RPTOR: variants seen among roughly 807,000 people sequenced by gnomAD.
RPTOR encodes regulatory associated protein of MTOR complex 1.
In RPTOR, 21 loss-of-function variants were observed where a neutral mutation model predicts 169.9. The observed-to-expected ratio is 0.12, with a 90% CI of 0.09 to 0.18. RPTOR has a LOEUF of 0.18. Among genes scored for constraint, RPTOR ranks in the 10% least tolerant of loss-of-function variants. The pLI is 1.00. For synonymous variants in RPTOR, 732 were observed against 753.2 expected, an observed-to-expected ratio of 0.97 and a Z score of 0.46; for missense variants, 1,133 against 1,855.9, an observed-to-expected ratio of 0.61 and a Z score of 7.16.
chr17:80,767,978 C>G (rs1303902807), intron 6 of RPTOR, among the ~76,000 whole-genome samples: 1 of 152,170 alleles, frequency 6.6e-6, no homozygotes, highest in Non-Finnish European at 1.5e-5. Context: ...ATTCTCCTGC[C>G]TCAGCCTTCT....
At position 80,823,470 on chromosome 17, in the gene RPTOR, C is replaced by T. The variant is rs943581416; in HGVS notation, c.1136+247C>T. 15 of 418,678 alleles carry T rather than the reference C, an allele frequency of 3.6e-5. No individual in the cohort carries two copies. Among genetic ancestry groups the T allele is most frequent in the South Asian group, 1.9e-4 (4 of 21,552 alleles). The allele number at this position is 418,678 out of a possible 1,614,324, so 25.9% of individuals were successfully genotyped here. A position where few individuals can be genotyped will look rare whatever the true frequency, so the allele number is the denominator to read the frequency against. ...GCACGGGAGCAGCGGCCGGCTGAAGCCTCACAGCTCTGCAACTCGGGAGGG... is the reference window on the plus strand; with the variant it reads ...GCACGGGAGCAGCGGCCGGCTGAAGTCTCACAGCTCTGCAACTCGGGAGGG... On this transcript the variant is annotated intron_variant, in intron 9 of 33. Coordinates refer to ENST00000306801, the MANE Select transcript of RPTOR (RefSeq NM_020761.3). The surrounding 1 kb of genome is among the most constrained non-coding windows in gnomAD (Gnocchi z 4.5).
rs2068141989 is a variant in RPTOR at position 80,878,025 on chromosome 17, A to G, written c.1510-2390A>G. 2.6e-5 allele frequency among the ~76,000 whole-genome samples: 4 copies of G among 152,176 alleles called. No individual in the cohort carries two copies. The South Asian group carries it at 8.3e-4, about 32-fold the overall frequency. ...CCCTCTGCAAAACTGCTCCTGCCTC[A>G]GTGGGAAAGGGCCAGCTGTGCAGGG... On this transcript the variant is annotated intron_variant, in intron 13 of 33. Coordinates refer to ENST00000306801, the MANE Select transcript of RPTOR (RefSeq NM_020761.3). The surrounding 1 kb of genome is among the most constrained non-coding windows in gnomAD (Gnocchi z 4.1).
intron 1 of RPTOR, among the ~76,000 whole-genome samples, chr17:80,572,323 G>A (rs1355818155): frequency 2.6e-5 from 4 of 151,894 alleles, no homozygotes; most frequent in Non-Finnish European, 4.4e-5. Context: ...GGCTGGTCTC[G>A]AACTCCTGGG....
At chr17:80,800,609 C>A (rs1439909487) in intron 7 of RPTOR, among the ~76,000 whole-genome samples, 1 of 152,204 alleles carries the variant, frequency 6.6e-6, no homozygotes, top group Non-Finnish European at 1.5e-5. Context: ...GCTAACCTAG[C>A]AGCCTGATGA....
intron 5 of RPTOR, among the ~76,000 whole-genome samples, chr17:80,740,424 G>C (rs1312312347): frequency 6.6e-6 from 1 of 152,038 alleles, no homozygotes; most frequent in Non-Finnish European, 1.5e-5. Flanking sequence ...CATTTTATGA[G>C]GCCATTATTA....
intron 20 of RPTOR, among the ~76,000 whole-genome samples, chr17:80,902,196 C>G (rs188926401): frequency 1.3e-3 from 202 of 152,362 alleles, no homozygotes; most frequent in South Asian, 8.7e-3. Flanking sequence ...CAGACCACAA[C>G]TGGGCAGGCC....
intron 7 of RPTOR, among the ~76,000 whole-genome samples, chr17:80,794,948 G>T (rs183611597): frequency 6.6e-6 from 1 of 152,306 alleles, no homozygotes; most frequent in East Asian, 1.9e-4. Flanking sequence ...GGGCCTGGGG[G>T]TGATGTCTTG....
intron 21 of RPTOR, among the ~76,000 whole-genome samples, chr17:80,915,437 G>A (rs1280691535): frequency 1.4e-3 from 68 of 50,056 alleles, no homozygotes; most frequent in East Asian, 4.7e-3. Flanking sequence ...TCTCCTCTCT[G>A]CTGAGAGCTG....
At position 80,676,583 on chromosome 17, in the gene RPTOR, C is replaced by T. The variant is rs575794449; in HGVS notation, c.349-31258C>T. Among the ~76,000 whole-genome samples, 11 of 152,272 alleles carry T rather than the reference C, an allele frequency of 7.2e-5. No homozygotes were observed. The South Asian group carries it at 2.1e-3, about 29-fold the overall frequency. On this transcript the variant is annotated intron_variant, in intron 3 of 33. Transcript: ENST00000306801. ...GTCTCCGCAGTGAGTGAGGCTGGAC[C>T]GGGTGTGCCAGCATCTGGAGGGGTC...
At chr17:80,914,994 G>A (rs533159953) in intron 21 of RPTOR, among the ~76,000 whole-genome samples, 8 of 152,342 alleles carry the variant, frequency 5.3e-5, no homozygotes, top group African/African-American at 1.9e-4. Context: ...CCTCCCCTTT[G>A]AAGCCCATAA....
chr17:80,839,411 C>G (rs752544130), intron 10 of RPTOR, among the ~76,000 whole-genome samples: 1 of 152,240 alleles, frequency 6.6e-6, no homozygotes, highest in Admixed American at 6.5e-5. Context: ...CCACTTACTT[C>G]TACCCCATCT....
chr17:80,930,358 G>A (rs1567993670), intron 24 of RPTOR, among the ~76,000 whole-genome samples: 36 of 36,250 alleles, frequency 9.9e-4, no homozygotes, highest in African/African-American at 4.6e-3. Flanking sequence ...CTCATCCCCA[G>A]CTCATCCTCA....
chr17:80,685,315 T>C (rs1378626570), intron 3 of RPTOR, among the ~76,000 whole-genome samples: 1 of 151,788 alleles, frequency 6.6e-6, no homozygotes, highest in African/African-American at 2.4e-5. Flanking sequence ...TTGCTCTGTC[T>C]CCCAGGCTGG....
At chr17:80,653,509 G>T (rs964674895) in intron 3 of RPTOR, among the ~76,000 whole-genome samples, 2 of 152,332 alleles carry the variant, frequency 1.3e-5, no homozygotes, top group South Asian at 4.1e-4. Context: ...TAGAGCTGTG[G>T]TCTCTCCACC....
chr17:80,589,601 A>C (rs941999574), intron 1 of RPTOR, among the ~76,000 whole-genome samples: 1 of 152,112 alleles, frequency 6.6e-6, no homozygotes, highest in Admixed American at 6.5e-5. Flanking sequence ...TTTCATGTAG[A>C]AGTTTTTCAC....
chr17:80,823,362 A>AAG lies in RPTOR; in HGVS notation c.1136+140_1136+141insGA. 1.1e-6 allele frequency: 1 copy of AAG among 884,758 alleles called. No individual in the cohort carries two copies. The highest frequency in any genetic ancestry group is 2.4e-5 in the South Asian group (1 of 41,402). The allele number at this position is 884,758 out of a possible 1,614,324, so 54.8% of individuals were successfully genotyped here. A position where few individuals can be genotyped will look rare whatever the true frequency, so the allele number is the denominator to read the frequency against. ...CGTGTAGCATTAACAAGTGAAGCTA[A>AAG]ATGCAGGGCTCCCAGAGATCTCCAC... On this transcript the variant is annotated intron_variant, in intron 9 of 33. Coordinates refer to ENST00000306801, the MANE Select transcript of RPTOR (RefSeq NM_020761.3). The surrounding 1 kb of genome is among the most constrained non-coding windows in gnomAD (Gnocchi z 4.5).
At chr17:80,741,767 CG>C (rs2066483956) in intron 5 of RPTOR, among the ~76,000 whole-genome samples, 1 of 151,960 alleles carries the variant, frequency 6.6e-6, no homozygotes, top group African/African-American at 2.4e-5. Context: ...GCTGAAGCCA[CG>C]GGATGGTGAC....
At chr17:80,657,898 A>G (rs2065692146) in intron 3 of RPTOR, among the ~76,000 whole-genome samples, 1 of 152,044 alleles carries the variant, frequency 6.6e-6, no homozygotes, top group South Asian at 2.1e-4. Flanking sequence ...TTTCTTTTGC[A>G]TTAAGCAGTT....
At chr17:80,922,252 G>A (rs554034071) in intron 21 of RPTOR, among the ~76,000 whole-genome samples, 2 of 152,224 alleles carry the variant, frequency 1.3e-5, no homozygotes, top group African/African-American at 2.4e-5. Context: ...GATTCTTCCC[G>A]GGCCTCAACT....
Sources: gnomAD v4.1 joint callset for allele counts (sites outside exome capture counted in the v4.1 genomes callset) on GRCh38, gnomAD v4.1.1 for gene constraint, Gnocchi (gnomAD v3.1) non-coding constraint, MANE v1.5 for transcripts, NCBI Gene and HGNC (gene_info 2026-07-23, HGNC 2026-07-21) for gene names.